The following PRSS23 variants were observed in gnomAD, a reference collection of about 807,000 sequenced individuals.
PRSS23 encodes the protein protease, serine 23.
PRSS23 carries 25 observed loss-of-function variants against 34.7 expected under a neutral mutation model. That is an observed-to-expected ratio of 0.72 (90% CI 0.53 to 1.01). PRSS23 has a LOEUF of 1.01. Among genes scored for constraint, PRSS23 ranks in the 50% least tolerant of loss-of-function variants. The pLI is 0.00. For synonymous variants in PRSS23, 176 were observed against 186.6 expected, an observed-to-expected ratio of 0.94 and a Z score of 0.46; for missense variants, 445 against 475.6, an observed-to-expected ratio of 0.94 and a Z score of 0.60.
chr11:86,862,143 G>C (rs998063625), intron 2 of PRSS23, among the ~76,000 whole-genome samples: 1 of 151,832 alleles, frequency 6.6e-6, no homozygotes, highest in Non-Finnish European at 1.5e-5. Flanking sequence ...GTTGGGGAGA[G>C]GATGTTATTC....
chr11:86,792,826 A>C (rs959007288), intron 1 of PRSS23, among the ~76,000 whole-genome samples: 2 of 152,218 alleles, frequency 1.3e-5, no homozygotes, highest in Non-Finnish European at 2.9e-5. Context: ...TGGGAACAGA[A>C]GTGGTTCAAT....
At chr11:86,817,492 G>T (rs1218458980) in intron 1 of PRSS23, among the ~76,000 whole-genome samples, 3 of 152,086 alleles carry the variant, frequency 2.0e-5, no homozygotes, top group African/African-American at 7.2e-5. Flanking sequence ...TCTATTTCTG[G>T]CTCATGGATT....
rs945257985 is a variant in PRSS23, at chr11:86,851,060, G to T, written c.206+27467G>T. ...AACCTTAGACGTTACAAGAGGATTGGCATCTCACCCCTTGCCATACAGATA... is the reference window on the plus strand; with the variant it reads ...AACCTTAGACGTTACAAGAGGATTGTCATCTCACCCCTTGCCATACAGATA... On this transcript the variant is annotated intron_variant, in intron 2 of 2. Coordinates refer to the PRSS23 transcript ENST00000533902. Among the ~76,000 whole-genome samples the T allele has an allele frequency of 2.4e-4, 36 of 152,152 alleles. 1 individual carries two copies. The highest frequency in any genetic ancestry group is 1.2e-3 in the Admixed American group (19 of 15,274).
intron 1 of PRSS23, among the ~76,000 whole-genome samples, chr11:86,819,176 C>G (rs78106094): frequency 0.01 from 1,541 of 152,274 alleles, 16 homozygotes; most frequent in Non-Finnish European, 0.016. Context: ...GGCCTAGACA[C>G]TTAAGCATCA....
chr11:86,840,080 G>A (rs182259942), intron 2 of PRSS23, among the ~76,000 whole-genome samples: 84 of 151,906 alleles, frequency 5.5e-4, no homozygotes, highest in Non-Finnish European at 9.4e-4. Flanking sequence ...ATAATGACAG[G>A]ATCAAATTCA....
intron 2 of PRSS23, among the ~76,000 whole-genome samples, chr11:86,875,094 C>T (rs975079261): frequency 2.0e-5 from 3 of 152,194 alleles, no homozygotes; most frequent in Non-Finnish European, 2.9e-5. Context: ...TCAAAAGTTA[C>T]CCAGTCTCAC....
chr11:86,844,346 G>A (rs2134908799), intron 2 of PRSS23, among the ~76,000 whole-genome samples: 1 of 152,260 alleles, frequency 6.6e-6, no homozygotes, highest in East Asian at 1.9e-4. Context: ...AACCAACATG[G>A]CACATGTATA....
chr11:86,869,781 C>G (rs1254674072), intron 2 of PRSS23, among the ~76,000 whole-genome samples: 1 of 152,210 alleles, frequency 6.6e-6, no homozygotes, highest in Non-Finnish European at 1.5e-5. Context: ...TCACGCAGCA[C>G]CTCTCAGATT....
chr11:86,862,045 T>C (rs1442922776), intron 2 of PRSS23, among the ~76,000 whole-genome samples: 1 of 151,834 alleles, frequency 6.6e-6, no homozygotes, highest in African/African-American at 2.4e-5. Context: ...CCTTGTGGTA[T>C]TGTTTGTAAC....
intron 2 of PRSS23, among the ~76,000 whole-genome samples, chr11:86,851,499 A>G (rs1329738981): frequency 6.6e-6 from 1 of 152,230 alleles, no homozygotes; most frequent in African/African-American, 2.4e-5. Flanking sequence ...CCCGAGTGAC[A>G]AGGATTTGAG....
At position 86,922,722 on chromosome 11, in the gene PRSS23, C is replaced by A. The variant is rs533434601; in HGVS notation, c.207-28494C>A. On this transcript the variant is annotated intron_variant, in intron 2 of 2. Coordinates refer to the PRSS23 transcript ENST00000533902. ...AACATATGAATAAATAATACAGCAG[C>A]CTAGACAGGAAGGGACACCCAGCAT... 6.6e-5 allele frequency among the ~76,000 whole-genome samples: 10 copies of A among 152,250 alleles called. No homozygotes were observed. In the East Asian group the frequency reaches 1.9e-3, roughly 29 times the overall value.
Position 86,809,400 on chromosome 11 carries a change from A to C in PRSS23, c.*605A>C, listed in dbSNP as rs1388924291. Reference sequence around the variant, plus strand: ...TGTTGACTATACTGATACACATATTAAACTATACCTTATAGTAAACCAGTA... The same window carrying C: ...TGTTGACTATACTGATACACATATTCAACTATACCTTATAGTAAACCAGTA... On this transcript the variant is annotated 3_prime_UTR_variant, in exon 2 of 2. Transcript: ENST00000280258. The C allele has an allele frequency of 6.0e-6, 1 of 167,146 alleles. No individual in the cohort carries two copies. Among genetic ancestry groups the C allele is most frequent in the Non-Finnish European group, 1.5e-5 (1 of 68,134 alleles). 10.4% of individuals were successfully genotyped at this position (167,146 alleles called of 1,614,324 possible). A position where few individuals can be genotyped will look rare whatever the true frequency, so the allele number is the denominator to read the frequency against.
chr11:86,797,816 A>G (rs80136878), upstream of PRSS23, among the ~76,000 whole-genome samples: 1,102 of 152,360 alleles, frequency 7.2e-3, 34 homozygotes, highest in East Asian at 0.02. Flanking sequence ...TATTCATTCA[A>G]TTCTTAAAAG....
At chr11:86,912,413 C>T (rs78749707) in intron 2 of PRSS23, among the ~76,000 whole-genome samples, 2 of 151,926 alleles carry the variant, frequency 1.3e-5, no homozygotes, top group African/African-American at 2.4e-5. Flanking sequence ...CAATTGCACA[C>T]GTTAGGCCTT....
chr11:86,805,967 T>C (rs892053381), intron 1 of PRSS23, among the ~76,000 whole-genome samples: 8 of 152,134 alleles, frequency 5.3e-5, no homozygotes, highest in Non-Finnish European at 8.8e-5. Context: ...TGTGAATGAG[T>C]TACCCTACCT....
rs1470336939 is a variant in PRSS23, at chr11:86,808,253, CGAG to C, written c.612_614del (p.Gly205del). The stretch of plus-strand genomic sequence containing the variant: ...AAAGCCCAAGTTTAAAGATGGTGGT[CGAG>C]GGGCCAACGACTCCACTTCAGCCAT... On this transcript the variant is annotated inframe_deletion, in exon 2 of 2. Coordinates refer to ENST00000280258, the MANE Select transcript of PRSS23 (RefSeq NM_007173.6). 1.2e-6 allele frequency: 2 copies of C among 1,613,966 alleles called. No individual in the cohort carries two copies. The highest frequency in any genetic ancestry group is 1.1e-5 in the South Asian group (1 of 91,056).
intron 2 of PRSS23, among the ~76,000 whole-genome samples, chr11:86,849,615 T>G (rs982041379): frequency 2.0e-5 from 3 of 152,190 alleles, no homozygotes; most frequent in Non-Finnish European, 2.9e-5. Context: ...CAAGGCTTAG[T>G]AAGAAAATGT....
Position 86,808,735 on chromosome 11 carries a change from C to A in PRSS23, c.1092C>A (p.Leu364=). 6.2e-7 allele frequency: 1 copy of A among 1,614,054 alleles called. No homozygotes were observed. The highest frequency in any genetic ancestry group is 8.5e-7 in the Non-Finnish European group (1 of 1,179,970). ...ACGTGGCTGTCAGAATCACTCCTCT[C>A]AAATATGCCCAGATTTGCTATTGGA... ...DFNVAVRITP[L]KYAQICYWIK... Residue 364 remains leucine (L), a synonymous_variant, in exon 2 of 2, where the codon CTC becomes CTA. Transcript: ENST00000280258.
chr11:86,833,489 ATT>A, intron 2 of PRSS23: 1 of 324,576 alleles, frequency 3.1e-6, no homozygotes, highest in Non-Finnish European at 5.9e-6. Context: ...ATATATATAT[ATT>A]TACTGTTGCA....
Sources: gnomAD v4.1 joint callset for allele counts (sites outside exome capture counted in the v4.1 genomes callset) on GRCh38, gnomAD v4.1.1 for gene constraint, MANE v1.5 for transcripts, NCBI Gene and HGNC (gene_info 2026-07-23, HGNC 2026-07-21) for gene names.